Variants in COL27A1 observed in about 807,000 individuals in gnomAD.
COL27A1 encodes collagen type XXVII alpha 1 chain.
A neutral mutation model predicts 251.3 loss-of-function variants in COL27A1; 106 were observed. The observed-to-expected ratio is 0.42, with a 90% confidence interval of 0.36 to 0.50. The LOEUF (loss-of-function observed/expected upper bound fraction) is 0.50. Among genes scored for constraint, COL27A1 ranks in the 20% least tolerant of loss-of-function variants. The probability of loss-of-function intolerance (pLI) is 0.00; values close to 1 mark genes in which losing one functional copy is unlikely to be tolerated. For missense variants in COL27A1, 2,325 were observed against 2,522.8 expected, an observed-to-expected ratio of 0.92 and a Z score of 1.68; for synonymous variants, 1,000 against 986.3, an observed-to-expected ratio of 1.01 and a Z score of -0.26.
At chr9:114,154,612 T>C (rs1359123524), upstream of COL27A1, among the ~76,000 whole-genome samples, 1 of 152,140 alleles carries the variant, frequency 6.6e-6, no homozygotes, top group East Asian at 1.9e-4. The surrounding 1 kb of genome is among the most constrained non-coding windows in gnomAD (Gnocchi z 5.8). Flanking sequence ...TGTGCCTGTG[T>C]AAGCATCCGT....
chr9:114,256,039 C>T (rs1269423728), intron 27 of COL27A1, among the ~76,000 whole-genome samples: 1 of 152,204 alleles, frequency 6.6e-6, no homozygotes, highest in Non-Finnish European at 1.5e-5. Context: ...ATGGTGATAA[C>T]TATTTGTTAG....
intron 60 of COL27A1, 79 bp downstream of exon 60, chr9:114,309,557 T>C (rs1178628311): frequency 8.0e-6 from 8 of 999,974 alleles, no homozygotes; most frequent in Non-Finnish European, 1.2e-5. Flanking sequence ...GTGTTTCTAT[T>C]ATAAGATTAT....
chr9:114,203,661 T>C (rs1829726905), intron 7 of COL27A1, among the ~76,000 whole-genome samples: 1 of 152,218 alleles, frequency 6.6e-6, no homozygotes, highest in African/African-American at 2.4e-5. Flanking sequence ...GAAAGAATGC[T>C]TGTAAACTCT....
rs375471787 is a variant in COL27A1 at position 114,290,337 on chromosome 9, C to T, written c.4368+6C>T. On this transcript the variant is annotated splice_donor_region_variant and intron_variant, in intron 47 of 60. Transcript: ENST00000356083. The surrounding 1 kb of genome is among the most constrained non-coding windows in gnomAD (Gnocchi z 4.6). ...ACGGGCAAGCAGGACAGCAGGTGAG[C>T]GGGAATTGGCATTAACAGATGGTGG... The T allele has an allele frequency of 3.1e-5, 49 of 1,566,550 alleles. No individual in the cohort carries two copies. The highest frequency in any genetic ancestry group is 8.2e-5 in the South Asian group (7 of 85,420).
Position 114,245,536 on chromosome 9 carries a change from T to A in COL27A1, c.2935-330T>A, listed in dbSNP as rs76928489. 2.9e-3 allele frequency among the ~76,000 whole-genome samples: 446 copies of A among 152,250 alleles called. 4 individuals are homozygous for A. In the East Asian group the frequency reaches 0.036, roughly 12 times the overall value. ...GGCTCACTGTGTGACCTCAGGCAGG[T>A]CACTTCACCTCTCTGGGCCTCATTT... is the stretch of plus-strand genomic sequence containing the variant. On this transcript the variant is annotated intron_variant, in intron 23 of 60. Transcript: ENST00000356083.
chr9:114,300,291 C>T (rs914215130), intron 50 of COL27A1, 168 bp downstream of exon 50: 6 of 671,324 alleles, frequency 8.9e-6, no homozygotes, highest in Non-Finnish European at 1.5e-5. Flanking sequence ...GATCTAGGTT[C>T]CAAGCCCAGC....
At chr9:114,190,336 A>C (rs1448673978) in intron 5 of COL27A1, among the ~76,000 whole-genome samples, 2 of 152,142 alleles carry the variant, frequency 1.3e-5, no homozygotes, top group Admixed American at 1.3e-4. Flanking sequence ...CAGTGGTGCT[A>C]TCATAGCTCA....
At chr9:114,224,094 C>CCATTCA (rs10671214) in intron 14 of COL27A1, among the ~76,000 whole-genome samples, 110,995 of 151,372 alleles carry the variant, frequency 0.73, 41,484 homozygotes, top group South Asian at 0.89. Flanking sequence ...TCCCTGATGT[C>CCATTCA]CATTCAGTAG....
chr9:114,267,467 T>TC, intron 33 of COL27A1, 37 bp from the exon 34 acceptor site: 1 of 1,584,142 alleles, frequency 6.3e-7, no homozygotes, highest in Non-Finnish European at 8.6e-7. Context: ...AGGGGGCAGC[T>TC]CTTGCTCTAG....
At chr9:114,257,199 C>T (rs559251491) in intron 27 of COL27A1, among the ~76,000 whole-genome samples, 2 of 152,326 alleles carry the variant, frequency 1.3e-5, no homozygotes, top group South Asian at 4.1e-4. Context: ...GGGCCTCTCC[C>T]TGGTATTCAG....
intron 1 of COL27A1, among the ~76,000 whole-genome samples, chr9:114,161,343 A>G (rs1848484021): frequency 6.6e-6 from 1 of 152,146 alleles, no homozygotes; most frequent in Non-Finnish European, 1.5e-5. Flanking sequence ...AGTCACTGGC[A>G]TGGCAAATGA....
At position 114,264,528 on chromosome 9, in the gene COL27A1, G is replaced by T. The variant is rs541394038; in HGVS notation, c.3249+120G>T. 1.1e-4 allele frequency: 78 copies of T among 720,228 alleles called. No individual in the cohort carries two copies. In the Middle Eastern group the frequency reaches 1.3e-3, roughly 12 times the overall value. The allele number at this position is 720,228 out of a possible 1,614,324, so 44.6% of individuals were successfully genotyped here. On this transcript the variant is annotated intron_variant, in intron 29 of 60. Coordinates refer to ENST00000356083, the MANE Select transcript of COL27A1 (RefSeq NM_032888.4). ...GGGACAACAAAGGGAGCCCCATGGA[G>T]GCTGCAGGGCTCTTTCTGAGAGCTT...
chr9:114,196,768 A>G (rs965878286), intron 7 of COL27A1, among the ~76,000 whole-genome samples: 4 of 152,080 alleles, frequency 2.6e-5, no homozygotes, highest in African/African-American at 9.7e-5. Flanking sequence ...TGTGTGAGGA[A>G]AAGACTGGCA....
chr9:114,235,545 C>G (rs1832322417), intron 16 of COL27A1, 54 bp from the exon 17 acceptor site: 2 of 1,426,772 alleles, frequency 1.4e-6, no homozygotes, highest in South Asian at 2.3e-5. Context: ...GTGGGGGAGG[C>G]TTCCAGAACC....
At position 114,310,941 on chromosome 9, in the gene COL27A1, C is replaced by A. The variant is rs1564598914; in HGVS notation, c.*246C>A. ...AAAGAGCCAGCCAGAGTAAGCTGGA[C>A]CTGCAACCTGCCTGAGCCCCGTGGC... On this transcript the variant is annotated 3_prime_UTR_variant, in exon 61 of 61. Coordinates refer to ENST00000356083, the MANE Select transcript of COL27A1 (RefSeq NM_032888.4). The A allele has an allele frequency of 2.3e-6, 1 of 427,762 alleles. No individual in the cohort carries two copies. The highest frequency in any genetic ancestry group is 4.6e-5 in the South Asian group (1 of 21,926). 26.5% of individuals were successfully genotyped at this position (427,762 alleles called of 1,614,324 possible). A position where few individuals can be genotyped will look rare whatever the true frequency, so the allele number is the denominator to read the frequency against.
chr9:114,218,918 C>T (rs1263009031), intron 12 of COL27A1, among the ~76,000 whole-genome samples: 1 of 151,456 alleles, frequency 6.6e-6, no homozygotes, highest in East Asian at 1.9e-4. Flanking sequence ...ATCATAGCCC[C>T]AGCATTCACT....
In COL27A1 at chr9:114,300,579, C is replaced by T. The variant is rs112126118; in HGVS notation, c.4639-46C>T. The T allele has an allele frequency of 4.0e-3, 6,017 of 1,492,706 alleles. 229 individuals are homozygous for T. In the African/African-American group the frequency reaches 0.077, roughly 19 times the overall value. The allele number at this position is 1,492,706 out of a possible 1,614,324, so 92.5% of individuals were successfully genotyped here. ...GTGAGGGAGCTGTGGGGGCCCTTTA[C>T]CCAGTGGCTGCCAAGTACAGACAGC... On this transcript the variant is annotated intron_variant, in intron 50 of 60. Transcript: ENST00000356083.
chr9:114,271,014 T>C, intron 36 of COL27A1: 1 of 517,298 alleles, frequency 1.9e-6, no homozygotes, highest in Middle Eastern at 3.4e-4. Context: ...CCTTCCAGTC[T>C]TTCCTGCTAC....
rs562607157 is a variant in COL27A1 at position 114,231,248 on chromosome 9, G to T, written c.2520+116G>T. On this transcript the variant is annotated intron_variant, in intron 15 of 60. Transcript: ENST00000356083. The stretch of plus-strand genomic sequence containing the variant: ...ATGCTGGGGGAAGGGAGGATGGCAG[G>T]ATGCTCAGAGGGGTGCTAGGAGGAA... 5.0e-6 allele frequency: 5 copies of T among 992,188 alleles called. No homozygotes were observed. In the East Asian group the frequency reaches 1.3e-4, roughly 25 times the overall value. The allele number at this position is 992,188 out of a possible 1,614,324, so 61.5% of individuals were successfully genotyped here.
Sources: gnomAD v4.1 joint callset for allele counts (sites outside exome capture counted in the v4.1 genomes callset) on GRCh38, gnomAD v4.1.1 for gene constraint, Gnocchi (gnomAD v3.1) non-coding constraint, MANE v1.5 for transcripts, NCBI Gene and HGNC (gene_info 2026-07-23, HGNC 2026-07-21) for gene names.